STK39: variants seen among roughly 807,000 people sequenced by gnomAD.
STK39 encodes serine/threonine kinase 39.
Under a neutral mutation model 77.8 loss-of-function variants are expected in STK39, and 20 were observed. That is an observed-to-expected ratio of 0.26 (90% CI 0.18 to 0.37). The LOEUF (loss-of-function observed/expected upper bound fraction) is 0.37, where lower values mean the gene tolerates loss of function less well. STK39 is among the 10% of genes least tolerant of loss of function. The probability of loss-of-function intolerance (pLI) is 1.00; values close to 1 mark genes in which losing one functional copy is unlikely to be tolerated. For missense variants in STK39, 479 were observed against 656.5 expected, an observed-to-expected ratio of 0.73 and a Z score of 2.95; for synonymous variants, 246 against 234.1, an observed-to-expected ratio of 1.05 and a Z score of -0.47.
At chr2:168,167,058 A>G (rs1688710060) in intron 3 of STK39, among the ~76,000 whole-genome samples, 13 of 152,144 alleles carry the variant, frequency 8.5e-5, no homozygotes, top group Admixed American at 8.5e-4. Context: ...TCAGCCTAGA[A>G]GGTCGGGCAT....
At chr2:168,027,201 C>T (rs1278093300) in intron 14 of STK39, among the ~76,000 whole-genome samples, 2 of 152,074 alleles carry the variant, frequency 1.3e-5, no homozygotes, top group African/African-American at 2.4e-5. Flanking sequence ...CACAGCCTTG[C>T]CCGAAATCGA....
chr2:167,954,057 T>C lies in STK39; in HGVS notation c.*1439A>G, dbSNP rs1178434303. 1 of 152,660 alleles carries C rather than the reference T, an allele frequency of 6.6e-6. No homozygotes were observed. The highest frequency in any genetic ancestry group is 6.5e-5 in the Admixed American group (1 of 15,290). The allele number at this position is 152,660 out of a possible 1,614,324, so 9.5% of individuals were successfully genotyped here. A position where few individuals can be genotyped will look rare whatever the true frequency, so the allele number is the denominator to read the frequency against. ...ATACACTTTTATTTTCCTTTTACCT[T>C]TGCAGTCATCTTCGAGTAATCGTTG... On this transcript the variant is annotated 3_prime_UTR_variant, in exon 18 of 18. Coordinates refer to ENST00000355999, the MANE Select transcript of STK39 (RefSeq NM_013233.3).
chr2:167,975,670 C>T (rs925424846), intron 16 of STK39, among the ~76,000 whole-genome samples: 6 of 152,232 alleles, frequency 3.9e-5, no homozygotes, highest in Admixed American at 1.3e-4. Flanking sequence ...AAAAATCAGC[C>T]GGGCGTGGTG....
At chr2:168,215,042 T>C (rs1689992099) in intron 1 of STK39, among the ~76,000 whole-genome samples, 1 of 152,234 alleles carries the variant, frequency 6.6e-6, no homozygotes, top group African/African-American at 2.4e-5. Flanking sequence ...CCATGTGTTT[T>C]CAACACCGTA....
chr2:167,994,279 G>C (rs1683775039), intron 16 of STK39, among the ~76,000 whole-genome samples: 1 of 152,126 alleles, frequency 6.6e-6, no homozygotes, highest in African/African-American at 2.4e-5. Context: ...CAAAGAAGTA[G>C]TAGTACTTCA....
At chr2:167,998,632 T>C (rs1216184858) in intron 16 of STK39, among the ~76,000 whole-genome samples, 2 of 152,212 alleles carry the variant, frequency 1.3e-5, no homozygotes, top group Non-Finnish European at 2.9e-5. Context: ...TTTTGTTTGT[T>C]TGTTTGTTTG....
chr2:168,210,701 G>A (rs1689868239), intron 1 of STK39, among the ~76,000 whole-genome samples: 1 of 152,042 alleles, frequency 6.6e-6, no homozygotes, highest in African/African-American at 2.4e-5. Flanking sequence ...TATATTTTTA[G>A]TACAGATGTG....
chr2:168,239,075 A>C (rs1690692469), intron 1 of STK39, among the ~76,000 whole-genome samples: 1 of 152,100 alleles, frequency 6.6e-6, no homozygotes, highest in South Asian at 2.1e-4. Context: ...GTCCCTTATA[A>C]GTTATAAAAA....
At position 168,032,659 on chromosome 2, in the gene STK39, C is replaced by A. The variant is rs554551609; in HGVS notation, c.1377-15564G>T. On this transcript the variant is annotated intron_variant, in intron 14 of 17. Coordinates refer to ENST00000355999, the MANE Select transcript of STK39 (RefSeq NM_013233.3). ...TATATACAGTGCATCCTGCAAACAA[C>A]CTGCTATTTGCCTCTTCACAGTAAA... Among the ~76,000 whole-genome samples, 8 of 152,358 alleles carry A rather than the reference C, an allele frequency of 5.3e-5. No homozygotes were observed. In the South Asian group the frequency reaches 8.3e-4, roughly 16 times the overall value.
At chr2:168,093,414 A>G (rs1288280971) in intron 10 of STK39, among the ~76,000 whole-genome samples, 1 of 152,208 alleles carries the variant, frequency 6.6e-6, no homozygotes, top group Non-Finnish European at 1.5e-5. Context: ...GCACATGAGC[A>G]TGTGCAAGGG....
At chr2:168,158,256 G>A (rs992868180) in intron 5 of STK39, among the ~76,000 whole-genome samples, 1 of 152,198 alleles carries the variant, frequency 6.6e-6, no homozygotes, top group Non-Finnish European at 1.5e-5. Flanking sequence ...GGTACAGTAA[G>A]AAGGAAAGCA....
intron 16 of STK39, among the ~76,000 whole-genome samples, chr2:168,002,326 T>C (rs1277279426): frequency 6.6e-6 from 1 of 152,254 alleles, no homozygotes; most frequent in Admixed American, 6.5e-5. Context: ...AAATTACAGA[T>C]GTTATTTTAT....
chr2:168,179,454 T>C (rs1574531628), intron 2 of STK39, among the ~76,000 whole-genome samples: 1 of 151,052 alleles, frequency 6.6e-6, no homozygotes, highest in Admixed American at 6.6e-5. Context: ...CATAGCCATT[T>C]CCCCCCTCTC....
In STK39 at chr2:168,117,135, G is replaced by T. The variant is rs112171129; in HGVS notation, c.1089+12406C>A. On this transcript the variant is annotated intron_variant, in intron 10 of 17. Coordinates refer to ENST00000355999, the MANE Select transcript of STK39 (RefSeq NM_013233.3). Reference sequence around the variant, plus strand: ...TCCATTCTATGATCATGTGGCAAAGGTGAATCAAGTTAATGGCTCACTCAA... The same window carrying T: ...TCCATTCTATGATCATGTGGCAAAGTTGAATCAAGTTAATGGCTCACTCAA... Among the ~76,000 whole-genome samples the T allele has an allele frequency of 3.1e-3, 466 of 152,290 alleles. 1 individual carries two copies. Among genetic ancestry groups the T allele is most frequent in the African/African-American group, 0.01 (431 of 41,558 alleles).
intron 10 of STK39, among the ~76,000 whole-genome samples, chr2:168,107,708 T>C (rs570386016): frequency 6.6e-6 from 1 of 152,342 alleles, no homozygotes; most frequent in African/African-American, 2.4e-5. Flanking sequence ...CATGGGAATA[T>C]GACCCAAACT....
chr2:168,021,179 G>C (rs1278336801), intron 14 of STK39, among the ~76,000 whole-genome samples: 1 of 152,118 alleles, frequency 6.6e-6, no homozygotes, highest in African/African-American at 2.4e-5. Flanking sequence ...CATGAGAAGA[G>C]AGGTGTAAGA....
chr2:168,192,337 C>G (rs1335112977), intron 1 of STK39, among the ~76,000 whole-genome samples: 3 of 152,148 alleles, frequency 2.0e-5, no homozygotes, highest in Admixed American at 2.0e-4. Flanking sequence ...AATAAGGAGC[C>G]AAGGGAGTGT....
rs1197238634 is a variant in STK39 at position 167,954,122 on chromosome 2, T to C, written c.*1374A>G. 1.3e-5 allele frequency: 2 copies of C among 152,668 alleles called. No homozygotes were observed. Among genetic ancestry groups the C allele is most frequent in the African/African-American group, 2.4e-5 (1 of 41,466 alleles). 9.5% of individuals were successfully genotyped at this position (152,668 alleles called of 1,614,324 possible). ...TGGAATGAAATTACATTAAATTGTA[T>C]GCAAATGGCTCTAGAACACCTTAAC... is the stretch of plus-strand genomic sequence containing the variant. On this transcript the variant is annotated 3_prime_UTR_variant, in exon 18 of 18. Transcript: ENST00000355999.
At chr2:167,956,266 GC>G (rs1425566201) in intron 17 of STK39, among the ~76,000 whole-genome samples, 1 of 152,120 alleles carries the variant, frequency 6.6e-6, no homozygotes. Context: ...CTGGAAAAAA[GC>G]CATTGCCTTG....
Sources: allele counts gnomAD v4.1 joint callset (sites outside exome capture counted in the v4.1 genomes callset), GRCh38; gene constraint gnomAD v4.1.1; transcripts MANE v1.5; gene names NCBI Gene and HGNC (gene_info 2026-07-23, HGNC 2026-07-21).